The following DOCK4 variants were observed in gnomAD, a reference collection of about 807,000 sequenced individuals.
DOCK4 encodes dedicator of cytokinesis 4.
A neutral mutation model predicts 268.1 loss-of-function variants in DOCK4; 97 were observed. That is an observed-to-expected ratio of 0.36 (90% CI 0.31 to 0.43). The LOEUF is 0.43. Among genes scored for constraint, DOCK4 ranks in the 20% least tolerant of loss-of-function variants. DOCK4 has a pLI of 1.00. For synonymous variants in DOCK4, 954 were observed against 887.2 expected (o/e 1.08, Z -1.34); for missense variants, 2,145 against 2,455.7 (o/e 0.87, Z 2.67).
chr7:111,897,625 G>C (rs1394936572), intron 15 of DOCK4, among the ~76,000 whole-genome samples: 1 of 151,524 alleles, frequency 6.6e-6, no homozygotes, highest in East Asian at 1.9e-4. Context: ...GACATAGTGG[G>C]AGTATCTACA....
intron 13 of DOCK4, among the ~76,000 whole-genome samples, chr7:111,903,189 C>T (rs1172282859): frequency 6.6e-6 from 1 of 152,172 alleles, no homozygotes; most frequent in Non-Finnish European, 1.5e-5. Flanking sequence ...GCCAGATCAT[C>T]TTCCTCCATA....
intron 1 of DOCK4, among the ~76,000 whole-genome samples, chr7:112,163,575 T>A (rs1028600166): frequency 2.6e-5 from 4 of 152,074 alleles, no homozygotes; most frequent in African/African-American, 9.7e-5. Context: ...TATTGACTTA[T>A]TATTTATTTA....
intron 15 of DOCK4, among the ~76,000 whole-genome samples, chr7:111,896,134 T>G (rs1808729436): frequency 6.6e-6 from 1 of 152,206 alleles, no homozygotes; most frequent in Admixed American, 6.5e-5. Context: ...ATGGTTTGTT[T>G]TGATTACTAC....
At chr7:111,770,356 C>A (rs941227197) in intron 36 of DOCK4, among the ~76,000 whole-genome samples, 1 of 151,630 alleles carries the variant, frequency 6.6e-6, no homozygotes, top group Non-Finnish European at 1.5e-5. Flanking sequence ...AGAGAAAGAA[C>A]CGTTGCAGGC....
intron 1 of DOCK4, among the ~76,000 whole-genome samples, chr7:112,123,448 C>T (rs1352604741): frequency 1.3e-5 from 2 of 152,062 alleles, no homozygotes; most frequent in Non-Finnish European, 2.9e-5. Context: ...AATTCATGGC[C>T]TTTATAAAAA....
intron 35 of DOCK4, 151 bp downstream of exon 35, chr7:111,782,713 A>G: frequency 1.2e-6 from 1 of 800,880 alleles, no homozygotes; most frequent in South Asian, 1.8e-5. Context: ...CCTGCAGCTC[A>G]CTATGCTTCT....
chr7:111,982,920 G>C (rs1798718866), intron 7 of DOCK4, among the ~76,000 whole-genome samples: 1 of 152,210 alleles, frequency 6.6e-6, no homozygotes, highest in Non-Finnish European at 1.5e-5. Context: ...AAACTATACG[G>C]ATTATATTTG....
intron 49 of DOCK4, among the ~76,000 whole-genome samples, chr7:111,738,455 T>C (rs2133413018): frequency 6.6e-6 from 1 of 152,300 alleles, no homozygotes; most frequent in East Asian, 1.9e-4. Flanking sequence ...TCTTCAAGGG[T>C]ATTTTCCTAG....
chr7:111,730,596 G>A (rs1463048173), intron 52 of DOCK4, among the ~76,000 whole-genome samples: 1 of 151,908 alleles, frequency 6.6e-6, no homozygotes. Context: ...CTCAGTCTTC[G>A]CTGTAGGGTT....
intron 8 of DOCK4, among the ~76,000 whole-genome samples, chr7:111,949,205 C>T (rs1404519842): frequency 1.3e-5 from 2 of 152,258 alleles, no homozygotes; most frequent in East Asian, 3.9e-4. Context: ...TCTACAGAAA[C>T]ATTCAAAGCA....
intron 1 of DOCK4, among the ~76,000 whole-genome samples, chr7:112,054,578 C>A (rs946565496): frequency 4.0e-5 from 6 of 150,288 alleles, no homozygotes; most frequent in African/African-American, 7.5e-5. Context: ...CAAAAAAAAA[C>A]AAAACTACAA....
intron 36 of DOCK4, 48 bp from the exon 37 acceptor site, chr7:111,769,725 C>T (rs1585929433): frequency 1.3e-6 from 2 of 1,578,484 alleles, no homozygotes; most frequent in Admixed American, 3.6e-5. Context: ...CCCCAAGCCA[C>T]ATTCCCTCAA....
At chr7:111,765,610 T>A (rs1281730635) in intron 38 of DOCK4, among the ~76,000 whole-genome samples, 1 of 152,196 alleles carries the variant, frequency 6.6e-6, no homozygotes, top group Non-Finnish European at 1.5e-5. Context: ...TTAACATGAA[T>A]TATTAGAGGC....
At position 111,989,057 on chromosome 7, in the gene DOCK4, T is replaced by C. The variant is rs373624967; in HGVS notation, c.422A>G (p.Asp141Gly). ...CCGGGCAGTAATGTGGCGCTTCACG[T>C]CCTTCATCCGGTCGTGGGTGAGGTG... ...VGHLTHDRMK[D>G]VKRHITARLD... The change falls in exon 6 of 53, where the codon GAC becomes GGC. Residue 141 changes from aspartate (D) to glycine (G), a missense_variant. Physicochemically the swap from Asp to Gly is moderately conservative, Grantham distance 94. This residue lies in a region of DOCK4 where 1,598 missense variants were observed against 1,986.7 expected (regional missense o/e 0.80). Transcript: ENST00000428084. The C allele has an allele frequency of 1.9e-6, 3 of 1,613,816 alleles. No homozygotes were observed. Among genetic ancestry groups the C allele is most frequent in the Non-Finnish European group, 2.5e-6 (3 of 1,179,842 alleles).
chr7:112,168,235 T>C (rs1817772271), intron 1 of DOCK4, among the ~76,000 whole-genome samples: 2 of 152,242 alleles, frequency 1.3e-5, no homozygotes, highest in Admixed American at 1.3e-4. Flanking sequence ...AAATGTTGCA[T>C]GATTCAAATG....
intron 41 of DOCK4, 63 bp downstream of exon 41, chr7:111,758,561 C>A: frequency 6.4e-7 from 1 of 1,555,870 alleles, no homozygotes; most frequent in Non-Finnish European, 8.8e-7. Context: ...TTACCAAGGG[C>A]TGTGCCCCAA....
Position 111,842,700 on chromosome 7 carries a change from G to A in DOCK4, c.2736+2063C>T, listed in dbSNP as rs531495099. On this transcript the variant is annotated intron_variant, in intron 25 of 52. Coordinates refer to ENST00000428084, the MANE Select transcript of DOCK4 (RefSeq NM_001363540.2). The stretch of plus-strand genomic sequence containing the variant: ...TTTTTTCCCTCCCCACTGGGGTGGT[G>A]TCAAAGAGGCCTAGTAGAGAGTCAG... Among the ~76,000 whole-genome samples the A allele has an allele frequency of 5.9e-5, 9 of 152,310 alleles. No individual in the cohort carries two copies. In the South Asian group the frequency reaches 1.9e-3, roughly 32 times the overall value.
intron 1 of DOCK4, among the ~76,000 whole-genome samples, chr7:112,098,064 CTGAAA>C (rs1417843479): frequency 6.6e-6 from 1 of 152,204 alleles, no homozygotes; most frequent in South Asian, 2.1e-4. Context: ...TGAGTAAACA[CTGAAA>C]TGAAAAGTCA....
chr7:111,890,580 A>T (rs1808205570), intron 16 of DOCK4, among the ~76,000 whole-genome samples: 1 of 152,220 alleles, frequency 6.6e-6, no homozygotes, highest in African/African-American at 2.4e-5. Context: ...ATATGTAATC[A>T]ATCAAGTGAT....
Sources: allele counts gnomAD v4.1 joint callset (sites outside exome capture counted in the v4.1 genomes callset), GRCh38; gene constraint gnomAD v4.1.1; regional missense constraint gnomAD v4.1.1; transcripts MANE v1.5; gene names NCBI Gene and HGNC (gene_info 2026-07-23, HGNC 2026-07-21).